KCNIP4: variants seen among roughly 807,000 people sequenced by gnomAD.
KCNIP4 encodes the protein Kv channel-interacting protein 4.
KCNIP4 carries 12 observed loss-of-function variants against 34.0 expected under a neutral mutation model. The ratio of observed to expected loss-of-function variants is 0.35; its 90% CI spans 0.23 to 0.57. The LOEUF (loss-of-function observed/expected upper bound fraction) is 0.57. Among genes scored for constraint, KCNIP4 ranks in the 20% least tolerant of loss-of-function variants. The probability of loss-of-function intolerance (pLI) is 0.83; values close to 1 mark genes in which losing one functional copy is unlikely to be tolerated. For synonymous variants in KCNIP4, 124 were observed against 102.2 expected, an observed-to-expected ratio of 1.21 and a Z score of -1.29; for missense variants, 238 against 311.7, an observed-to-expected ratio of 0.76 and a Z score of 1.78.
chr4:21,023,554 A>G (rs1426666576), intron 1 of KCNIP4, among the ~76,000 whole-genome samples: 1 of 152,204 alleles, frequency 6.6e-6, no homozygotes, highest in East Asian at 1.9e-4. Context: ...CAAATGACCA[A>G]TATGCACCTA....
chr4:21,763,254 C>T (rs1391966433), intron 1 of KCNIP4, among the ~76,000 whole-genome samples: 3 of 152,178 alleles, frequency 2.0e-5, no homozygotes, highest in African/African-American at 7.2e-5. Flanking sequence ...ATTCCTCTAA[C>T]ACAATAGGCA....
chr4:21,536,089 G>A (rs1404816561), intron 1 of KCNIP4, among the ~76,000 whole-genome samples: 1 of 152,060 alleles, frequency 6.6e-6, no homozygotes, highest in Admixed American at 6.6e-5. Flanking sequence ...ACAGAAACTA[G>A]GCAACGTAAG....
intron 1 of KCNIP4, among the ~76,000 whole-genome samples, chr4:20,987,693 C>T (rs1476462562): frequency 6.6e-6 from 1 of 152,094 alleles, no homozygotes; most frequent in African/African-American, 2.4e-5. Context: ...GTGTCAGGCA[C>T]TACTCTAAAA....
rs116325705 is a variant in KCNIP4, at chr4:21,743,875, G to A, written c.61+204696C>T. On this transcript the variant is annotated intron_variant, in intron 1 of 8. Coordinates refer to ENST00000382152, the MANE Select transcript of KCNIP4 (RefSeq NM_025221.6). Reference sequence around the variant, plus strand: ...TTATGCTCTTCATCCATAGTTAATGGAATTTTGAAAATGGGAGGAGGCATT... The same window carrying A: ...TTATGCTCTTCATCCATAGTTAATGAAATTTTGAAAATGGGAGGAGGCATT... Among the ~76,000 whole-genome samples the A allele has an allele frequency of 4.9e-4, 73 of 150,404 alleles. 1 individual carries two copies. In the East Asian group the frequency reaches 0.013, roughly 27 times the overall value.
At chr4:21,618,617 T>C (rs1412056620) in intron 1 of KCNIP4, among the ~76,000 whole-genome samples, 4 of 126,928 alleles carry the variant, frequency 3.2e-5, no homozygotes, top group African/African-American at 1.1e-4. Flanking sequence ...CTTTTCTTTT[T>C]CTTTTTCTTT....
intron 1 of KCNIP4, among the ~76,000 whole-genome samples, chr4:21,412,585 AT>A (rs1234185221): frequency 2.7e-4 from 41 of 152,202 alleles, no homozygotes; most frequent in African/African-American, 9.9e-4. Flanking sequence ...CTGGCAATCA[AT>A]TGCTTTTATA....
chr4:20,974,080 G>T (rs1450141349), intron 1 of KCNIP4, among the ~76,000 whole-genome samples: 1 of 152,130 alleles, frequency 6.6e-6, no homozygotes, highest in Non-Finnish European at 1.5e-5. Flanking sequence ...GCTCAGCAGG[G>T]TTGCCACAAG....
In KCNIP4 at chr4:20,999,964, G is replaced by A. The variant is rs149184762; in HGVS notation, c.62-117255C>T. ...TCCCAGAGTATTCATCTCCACGTTT[G>A]GGGCATCCAGCCATTGCCAAGGAAG... On this transcript the variant is annotated intron_variant, in intron 1 of 8. Coordinates refer to ENST00000382152, the MANE Select transcript of KCNIP4 (RefSeq NM_025221.6). Among the ~76,000 whole-genome samples the A allele has an allele frequency of 6.3e-3, 962 of 152,218 alleles. 11 individuals are homozygous for A. Among genetic ancestry groups the A allele is most frequent in the African/African-American group, 0.022 (910 of 41,530 alleles).
intron 1 of KCNIP4, among the ~76,000 whole-genome samples, chr4:21,107,972 G>C (rs1200497331): frequency 1.3e-5 from 2 of 151,548 alleles, no homozygotes; most frequent in East Asian, 3.9e-4. Flanking sequence ...GAAATCTGCT[G>C]TTAGTCTGAT....
At position 20,728,671 on chromosome 4, in the gene KCNIP4, G is replaced by A. The variant is rs989070022; in HGVS notation, c.*1411C>T. The stretch of plus-strand genomic sequence containing the variant: ...TTGAAATACAAAATGTGCACATTGA[G>A]TTTACACAAACACGTGATGGCAAAT... On this transcript the variant is annotated 3_prime_UTR_variant, in exon 9 of 9. Coordinates refer to ENST00000382152, the MANE Select transcript of KCNIP4 (RefSeq NM_025221.6). The A allele has an allele frequency of 2.6e-5, 4 of 152,484 alleles. No homozygotes were observed. Among genetic ancestry groups the A allele is most frequent in the Admixed American group, 2.6e-4 (4 of 15,278 alleles). The allele number at this position is 152,484 out of a possible 1,614,324, so 9.4% of individuals were successfully genotyped here.
intron 1 of KCNIP4, among the ~76,000 whole-genome samples, chr4:21,069,569 CTG>C (rs1240544150): frequency 6.6e-6 from 1 of 151,956 alleles, no homozygotes; most frequent in African/African-American, 2.4e-5. Flanking sequence ...GGCCCTGGGT[CTG>C]TAAAACACAT....
intron 1 of KCNIP4, chr4:21,303,908 G>C (rs781445431): frequency 6.2e-7 from 1 of 1,613,904 alleles, no homozygotes; most frequent in Non-Finnish European, 8.5e-7. Context: ...CAAGTTCATG[G>C]TCAGCTAGGT....
intron 1 of KCNIP4, among the ~76,000 whole-genome samples, chr4:21,030,806 G>C (rs1740960581): frequency 6.6e-6 from 1 of 152,154 alleles, no homozygotes; most frequent in South Asian, 2.1e-4. Flanking sequence ...TTGTGGTTTA[G>C]AATTTGTGTA....
chr4:21,566,644 TC>T (rs1739913170), intron 1 of KCNIP4, among the ~76,000 whole-genome samples: 1 of 152,138 alleles, frequency 6.6e-6, no homozygotes, highest in Admixed American at 6.5e-5. Flanking sequence ...ATCAGATAGT[TC>T]TTCATATCAA....
rs552400149 is a variant in KCNIP4 at position 21,471,280 on chromosome 4, C to T, written c.61+477291G>A. ...AAATGCTTCCTTCCTCTGGAGAAAG[C>T]GATAGTAATTCAGATTCTCTTCCCT... On this transcript the variant is annotated intron_variant, in intron 1 of 8. Transcript: ENST00000382152. 5.1e-4 allele frequency among the ~76,000 whole-genome samples: 77 copies of T among 152,150 alleles called. 1 individual carries two copies. Among genetic ancestry groups the T allele is most frequent in the African/African-American group, 1.8e-3 (73 of 41,524 alleles).
In KCNIP4 at chr4:20,840,689, C is replaced by T. The variant is rs28483179; in HGVS notation, c.288+9854G>A. On this transcript the variant is annotated intron_variant, in intron 3 of 8. Transcript: ENST00000382152. ...AACAGAAGTCCCATCCTGTCCCCAA[C>T]GGAGTCACATAGGATTAGGAAATGA... Among the ~76,000 whole-genome samples the T allele has an allele frequency of 1.0e-2, 1,518 of 152,216 alleles. 27 individuals carry two copies. The highest frequency in any genetic ancestry group is 0.035 in the African/African-American group (1,444 of 41,546).
At chr4:21,333,696 G>GA (rs147110707) in intron 1 of KCNIP4, among the ~76,000 whole-genome samples, 6,765 of 147,092 alleles carry the variant, frequency 0.046, 307 homozygotes, top group African/African-American at 0.12. Context: ...AAATTAAAAA[G>GA]AAAAAAAAAG....
At chr4:21,012,752 A>G (rs535446627) in intron 1 of KCNIP4, among the ~76,000 whole-genome samples, 139 of 152,362 alleles carry the variant, frequency 9.1e-4, no homozygotes, top group Non-Finnish European at 1.8e-3. Flanking sequence ...GAACTAAGTT[A>G]TATCTAAGCA....
At chr4:21,552,053 CA>C (rs1560510418) in intron 1 of KCNIP4, among the ~76,000 whole-genome samples, 26 of 112,200 alleles carry the variant, frequency 2.3e-4, no homozygotes, top group Non-Finnish European at 3.4e-4. Flanking sequence ...AAAAAAAAAA[CA>C]AAAAACAACA....
Sources: gnomAD v4.1 joint callset for allele counts (sites outside exome capture counted in the v4.1 genomes callset) on GRCh38, gnomAD v4.1.1 for gene constraint, MANE v1.5 for transcripts, NCBI Gene and HGNC (gene_info 2026-07-23, HGNC 2026-07-21) for gene names.